METAP1D: variants seen among roughly 807,000 people sequenced by gnomAD.
METAP1D encodes the protein methionine aminopeptidase 1D, mitochondrial.
In METAP1D, 31 loss-of-function variants were observed where a neutral mutation model predicts 40.5. That is an observed-to-expected ratio of 0.77 (90% CI 0.58 to 1.03). The LOEUF (loss-of-function observed/expected upper bound fraction) is 1.03, where lower values mean the gene tolerates loss of function less well. METAP1D is among the 50% of genes least tolerant of loss of function. The pLI, the probability that METAP1D is intolerant of heterozygous loss-of-function variation, is 0.00. For synonymous variants in METAP1D, 151 were observed against 146.4 expected (o/e 1.03, Z -0.22); for missense variants, 411 against 420.7 (o/e 0.98, Z 0.20).
At chr2:172,027,141 G>A (rs1401535444) in intron 1 of METAP1D, among the ~76,000 whole-genome samples, 1 of 152,174 alleles carries the variant, frequency 6.6e-6, no homozygotes, top group Non-Finnish European at 1.5e-5. Flanking sequence ...CCAGACACTA[G>A]GGTAGATGAT....
At chr2:172,054,250 G>A (rs969765794) in intron 1 of METAP1D, among the ~76,000 whole-genome samples, 1 of 152,048 alleles carries the variant, frequency 6.6e-6, no homozygotes, top group African/African-American at 2.4e-5. Flanking sequence ...GGCCAGGCAC[G>A]GTGGCTCATG....
chr2:172,023,629 T>TA (rs1374979776), intron 1 of METAP1D, among the ~76,000 whole-genome samples: 4 of 152,174 alleles, frequency 2.6e-5, no homozygotes, highest in African/African-American at 9.7e-5. Flanking sequence ...ATGTAAATTT[T>TA]ACCTCAAGAC....
In METAP1D at chr2:172,044,814, G is replaced by A. The variant is rs532256097; in HGVS notation, c.41-16684G>A. Among the ~76,000 whole-genome samples, 16 of 133,938 alleles carry A rather than the reference G, an allele frequency of 1.2e-4. 3 individuals are homozygous for A. The highest frequency in any genetic ancestry group is 1.1e-3 in the Admixed American group (15 of 13,440). The allele number at this position is 133,938 out of a possible 152,430, so 87.9% of individuals were successfully genotyped here. On this transcript the variant is annotated intron_variant, in intron 1 of 9. Coordinates refer to ENST00000315796, the MANE Select transcript of METAP1D (RefSeq NM_199227.3). The stretch of plus-strand genomic sequence containing the variant: ...CCAGTTACTTGGGAAGCTGAGGCAG[G>A]AGAATTCTTGAACCTGGATGATGGA...
chr2:172,034,986 C>CTTTTTTTTTTTTTTTTTTTT, intron 1 of METAP1D, among the ~76,000 whole-genome samples: 1 of 135,580 alleles, frequency 7.4e-6, no homozygotes, highest in Admixed American at 7.3e-5. Context: ...GAATTTTTTT[C>CTTTTTTTTTTTTTTTTTTTT]TTTTTTTTTT....
intron 1 of METAP1D, among the ~76,000 whole-genome samples, chr2:172,008,369 T>G (rs1162208456): frequency 6.6e-6 from 1 of 152,124 alleles, no homozygotes; most frequent in African/African-American, 2.4e-5. Context: ...AAAGAGAAAC[T>G]TTCTCATCAA....
At chr2:172,032,077 C>T (rs374490924) in intron 1 of METAP1D, among the ~76,000 whole-genome samples, 2 of 152,154 alleles carry the variant, frequency 1.3e-5, no homozygotes, top group South Asian at 4.1e-4. Context: ...ATTTCAATAG[C>T]TAATTTTACC....
At chr2:172,021,159 G>A (rs1368555050) in intron 1 of METAP1D, among the ~76,000 whole-genome samples, 2 of 151,904 alleles carry the variant, frequency 1.3e-5, no homozygotes, top group East Asian at 3.9e-4. Flanking sequence ...TTAATTTTTT[G>A]TTTGCATTTT....
At chr2:172,076,046 G>A (rs565515573) in intron 6 of METAP1D, among the ~76,000 whole-genome samples, 2 of 152,114 alleles carry the variant, frequency 1.3e-5, no homozygotes, top group African/African-American at 4.8e-5. Context: ...GAGGTATGAT[G>A]GGGGGAGGGA....
chr2:172,050,747 GCTT>G (rs962082778), intron 1 of METAP1D, among the ~76,000 whole-genome samples: 3 of 152,082 alleles, frequency 2.0e-5, no homozygotes, highest in African/African-American at 7.2e-5. Context: ...TTAGTGTTGT[GCTT>G]CTACTCTGAT....
At chr2:172,013,439 A>T (rs557466066) in intron 1 of METAP1D, among the ~76,000 whole-genome samples, 1 of 152,296 alleles carries the variant, frequency 6.6e-6, no homozygotes, top group African/African-American at 2.4e-5. Flanking sequence ...GGGAGAGGAA[A>T]GGTGACAGGT....
intron 1 of METAP1D, among the ~76,000 whole-genome samples, chr2:172,039,926 T>C (rs1306027990): frequency 9.8e-5 from 14 of 142,568 alleles, no homozygotes; most frequent in South Asian, 4.7e-4. Flanking sequence ...CTGCCCACCT[T>C]GGCCTCTCAG....
At chr2:172,013,947 A>T (rs1419814259) in intron 1 of METAP1D, among the ~76,000 whole-genome samples, 1 of 149,350 alleles carries the variant, frequency 6.7e-6, no homozygotes, top group Non-Finnish European at 1.5e-5. Context: ...CAGCTTCCCG[A>T]GTAGCTGGGA....
At chr2:172,051,180 G>T (rs1278732564) in intron 1 of METAP1D, among the ~76,000 whole-genome samples, 1 of 152,058 alleles carries the variant, frequency 6.6e-6, no homozygotes, top group Non-Finnish European at 1.5e-5. Flanking sequence ...TCCACCAAAT[G>T]ATCAGCTTTT....
intron 4 of METAP1D, 43 bp from the exon 5 acceptor site, chr2:172,066,221 T>G: frequency 9.8e-6 from 15 of 1,524,898 alleles, no homozygotes; most frequent in Non-Finnish European, 1.3e-5. Context: ...TTCCTTTTAT[T>G]GAGATCTGTC....
At chr2:172,075,144 A>G (rs1380218595) in intron 6 of METAP1D, among the ~76,000 whole-genome samples, 2 of 152,226 alleles carry the variant, frequency 1.3e-5, no homozygotes. Flanking sequence ...AGACAGTATA[A>G]TAGGAAAGTA....
chr2:172,054,638 G>A, intron 1 of METAP1D, among the ~76,000 whole-genome samples: 1 of 152,124 alleles, frequency 6.6e-6, no homozygotes, highest in East Asian at 1.9e-4. Context: ...TTTTAGAAAT[G>A]GATGTTATTA....
At chr2:172,031,792 G>A (rs1689246649) in intron 1 of METAP1D, among the ~76,000 whole-genome samples, 1 of 152,218 alleles carries the variant, frequency 6.6e-6, no homozygotes, top group Non-Finnish European at 1.5e-5. Context: ...GACTTAAAGA[G>A]GAGTGTTGTG....
At chr2:172,055,040 G>C (rs1160345331) in intron 1 of METAP1D, among the ~76,000 whole-genome samples, 2 of 152,188 alleles carry the variant, frequency 1.3e-5, no homozygotes, top group Non-Finnish European at 2.9e-5. Context: ...ACTCCTCACT[G>C]TTCTGGGCTC....
chr2:172,007,252 C>G (rs987701336), intron 1 of METAP1D, among the ~76,000 whole-genome samples: 2 of 151,570 alleles, frequency 1.3e-5, no homozygotes, highest in Non-Finnish European at 2.9e-5. Flanking sequence ...TCACTGCAAC[C>G]TCAAACTCCT....
Sources: gnomAD v4.1 joint callset for allele counts (sites outside exome capture counted in the v4.1 genomes callset) on GRCh38, gnomAD v4.1.1 for gene constraint, MANE v1.5 for transcripts, NCBI Gene and HGNC (gene_info 2026-07-23, HGNC 2026-07-21) for gene names.